IMMP2L: variants seen among roughly 807,000 people sequenced by gnomAD.
IMMP2L encodes the protein inner mitochondrial membrane peptidase subunit 2, also known as mitochondrial inner membrane protease subunit 2.
IMMP2L carries 18 observed loss-of-function variants against 19.3 expected under a neutral mutation model. The observed-to-expected ratio is 0.93, with a 90% CI of 0.64 to 1.38. The LOEUF is 1.38. Ranked by LOEUF, IMMP2L falls within the 40% of genes most tolerant of loss-of-function variation. IMMP2L has a pLI of 0.00. For missense variants in IMMP2L, 233 were observed against 218.2 expected (o/e 1.07, Z -0.43); for synonymous variants, 76 against 73.0 (o/e 1.04, Z -0.21).
intron 4 of IMMP2L, among the ~76,000 whole-genome samples, chr7:110,912,876 G>A (rs1813210787): frequency 6.6e-6 from 1 of 151,918 alleles, no homozygotes; most frequent in Non-Finnish European, 1.5e-5. Context: ...ATGAGAACTT[G>A]TGATTTTGCA....
At chr7:111,539,655 T>C (rs1848345240) in intron 1 of IMMP2L, among the ~76,000 whole-genome samples, 1 of 151,154 alleles carries the variant, frequency 6.6e-6, no homozygotes, top group Admixed American at 6.6e-5. Context: ...AATAATGGAA[T>C]TCCAACCAAG....
At chr7:110,715,122 T>C (rs998023702) in intron 5 of IMMP2L, among the ~76,000 whole-genome samples, 1 of 152,186 alleles carries the variant, frequency 6.6e-6, no homozygotes, top group Non-Finnish European at 1.5e-5. Flanking sequence ...AATGGCACTT[T>C]TGTTGTTTCC....
At chr7:110,734,188 A>G (rs1469993545) in intron 5 of IMMP2L, among the ~76,000 whole-genome samples, 7 of 152,276 alleles carry the variant, frequency 4.6e-5, no homozygotes, top group African/African-American at 1.7e-4. Context: ...AAAGAAGAAG[A>G]GAGCTGTAAA....
chr7:111,071,264 T>A (rs918756645), intron 3 of IMMP2L, among the ~76,000 whole-genome samples: 1 of 152,000 alleles, frequency 6.6e-6, no homozygotes, highest in Non-Finnish European at 1.5e-5. Context: ...GGAGAAGAAA[T>A]GTAACCCTCA....
chr7:111,081,227 G>A (rs1795862480), intron 3 of IMMP2L, among the ~76,000 whole-genome samples: 1 of 152,104 alleles, frequency 6.6e-6, no homozygotes, highest in Admixed American at 6.6e-5. Context: ...GAAGAAATCT[G>A]CAAAAGACAA....
intron 2 of IMMP2L, among the ~76,000 whole-genome samples, chr7:111,503,909 A>G (rs1844593064): frequency 6.6e-6 from 1 of 152,122 alleles, no homozygotes; most frequent in African/African-American, 2.4e-5. Flanking sequence ...GAAAACTGGC[A>G]CAAGACAGGG....
In IMMP2L at chr7:110,830,212, A is replaced by G. The variant is rs76270781; in HGVS notation, c.408+56381T>C. 4.8e-3 allele frequency among the ~76,000 whole-genome samples: 735 copies of G among 152,180 alleles called. 4 individuals are homozygous for G. The highest frequency in any genetic ancestry group is 0.017 in the African/African-American group (699 of 41,516). On this transcript the variant is annotated intron_variant, in intron 5 of 5. Coordinates refer to ENST00000405709, the MANE Select transcript of IMMP2L (RefSeq NM_032549.4). Reference sequence around the variant, plus strand: ...GGGACATTCTAATCTTGTGTAGAGAAGTTGAGGGAATTGATGGGCTGACAG... The same window carrying G: ...GGGACATTCTAATCTTGTGTAGAGAGGTTGAGGGAATTGATGGGCTGACAG...
At chr7:110,813,235 A>C (rs992792313) in intron 5 of IMMP2L, among the ~76,000 whole-genome samples, 2 of 151,996 alleles carry the variant, frequency 1.3e-5, no homozygotes, top group African/African-American at 2.4e-5. Context: ...TCTCATTTTA[A>C]ACTGAAACTC....
intron 3 of IMMP2L, among the ~76,000 whole-genome samples, chr7:111,044,477 C>T (rs1174287318): frequency 6.6e-6 from 1 of 152,194 alleles, no homozygotes; most frequent in African/African-American, 2.4e-5. Flanking sequence ...AGGAGAATCA[C>T]TTGAACCCAG....
chr7:111,428,372 G>C (rs957817015), intron 3 of IMMP2L, among the ~76,000 whole-genome samples: 1 of 151,306 alleles, frequency 6.6e-6, no homozygotes, highest in Non-Finnish European at 1.5e-5. Flanking sequence ...AAAGTAATAA[G>C]GACTGGAAAA....
intron 4 of IMMP2L, among the ~76,000 whole-genome samples, chr7:110,898,375 C>G (rs1371489294): frequency 6.6e-6 from 1 of 152,058 alleles, no homozygotes; most frequent in Admixed American, 6.6e-5. Flanking sequence ...GAGGATGAAT[C>G]AAGTTCATGG....
rs116344120 is a variant in IMMP2L at position 111,334,077 on chromosome 7, C to T, written c.239+153161G>A. ...AATATATTTTAAACAATTATAAGCA[C>T]ACTACATATCAAAAATTTTTATTTT... On this transcript the variant is annotated intron_variant, in intron 3 of 5. Coordinates refer to ENST00000405709, the MANE Select transcript of IMMP2L (RefSeq NM_032549.4). 4.3e-3 allele frequency among the ~76,000 whole-genome samples: 654 copies of T among 152,048 alleles called. 4 individuals carry two copies. Among genetic ancestry groups the T allele is most frequent in the African/African-American group, 0.015 (633 of 41,508 alleles).
chr7:110,723,891 C>G (rs1584617622), intron 5 of IMMP2L, among the ~76,000 whole-genome samples: 1 of 147,648 alleles, frequency 6.8e-6, no homozygotes, highest in South Asian at 2.1e-4. Flanking sequence ...TGTCTCGGAA[C>G]AGTAATCAAA....
chr7:110,952,697 T>C (rs1817955496), intron 4 of IMMP2L, among the ~76,000 whole-genome samples: 1 of 152,156 alleles, frequency 6.6e-6, no homozygotes, highest in African/African-American at 2.4e-5. Context: ...CCTGCTAGGC[T>C]CTGTGTTGAA....
At chr7:111,024,391 A>G (rs1432004180) in intron 3 of IMMP2L, among the ~76,000 whole-genome samples, 1 of 151,900 alleles carries the variant, frequency 6.6e-6, no homozygotes, top group Non-Finnish European at 1.5e-5. Context: ...CCTTTTCTCT[A>G]TTCTCTCTCC....
At chr7:110,943,045 C>A (rs907407408) in intron 4 of IMMP2L, among the ~76,000 whole-genome samples, 1 of 151,928 alleles carries the variant, frequency 6.6e-6, no homozygotes, top group Non-Finnish European at 1.5e-5. Context: ...GAACAGTATA[C>A]CTTTACTTAT....
At chr7:110,740,829 A>T (rs570926394) in intron 5 of IMMP2L, among the ~76,000 whole-genome samples, 1 of 152,164 alleles carries the variant, frequency 6.6e-6, no homozygotes, top group Admixed American at 6.5e-5. Context: ...TAGTACAAAC[A>T]CTATAGAAAA....
intron 3 of IMMP2L, among the ~76,000 whole-genome samples, chr7:111,066,771 T>C (rs1794541931): frequency 6.6e-6 from 1 of 152,190 alleles, no homozygotes; most frequent in Admixed American, 6.5e-5. Flanking sequence ...CCTGGAGGCC[T>C]TGGGTCATGC....
At chr7:111,423,229 T>C (rs1163322841) in intron 3 of IMMP2L, among the ~76,000 whole-genome samples, 1 of 151,872 alleles carries the variant, frequency 6.6e-6, no homozygotes, top group Non-Finnish European at 1.5e-5. Context: ...GCTGGCCTCA[T>C]AAAATGAGTT....
Sources: gnomAD v4.1 joint callset for allele counts (sites outside exome capture counted in the v4.1 genomes callset) on GRCh38, gnomAD v4.1.1 for gene constraint, MANE v1.5 for transcripts, NCBI Gene and HGNC (gene_info 2026-07-23, HGNC 2026-07-21) for gene names.